The following KATNIP variants were observed in gnomAD, a reference collection of about 807,000 sequenced individuals.
KATNIP encodes katanin interacting protein, also known as katanin-interacting protein.
In KATNIP, 126 loss-of-function variants were observed where a neutral mutation model predicts 174.0. The ratio of observed to expected loss-of-function variants is 0.72; its 90% CI spans 0.63 to 0.84. KATNIP has a LOEUF of 0.84. Ranked by LOEUF, KATNIP falls within the 40% of genes least tolerant of loss-of-function variation. The pLI, the probability that KATNIP is intolerant of heterozygous loss-of-function variation, is 0.00. For missense variants in KATNIP, 1,958 were observed against 2,109.7 expected (o/e 0.93, Z 1.41); for synonymous variants, 810 against 835.7 (o/e 0.97, Z 0.53).
chr16:27,617,610 A>G (rs1317589388), intron 2 of KATNIP, among the ~76,000 whole-genome samples: 1 of 152,216 alleles, frequency 6.6e-6, no homozygotes, highest in African/African-American at 2.4e-5. Flanking sequence ...CCTTTGGCAG[A>G]AGAGGAGACA....
chr16:27,703,932 C>G lies in KATNIP; in HGVS notation c.1323C>G (p.Val441=). Residue 441 remains valine (V), a synonymous_variant, in exon 12 of 28, where the codon GTC becomes GTG. Transcript: ENST00000261588. Reference sequence around the variant, plus strand: ...AGCTTCTGAAAGTCCTCCAGGCCGTCGAAAGTGACTCTGCCCATCTCGGCA... The same window carrying G: ...AGCTTCTGAAAGTCCTCCAGGCCGTGGAAAGTGACTCTGCCCATCTCGGCA... The part of the protein sequence containing the change: ...QQKLLKVLQA[V]ESDSAHLGRV... 1 of 1,614,196 alleles carries G rather than the reference C, an allele frequency of 6.2e-7. No individual in the cohort carries two copies.
chr16:27,582,394 A>G (rs2090733243), intron 2 of KATNIP, among the ~76,000 whole-genome samples: 1 of 152,232 alleles, frequency 6.6e-6, no homozygotes. Context: ...CTTTTAGTTC[A>G]TATTTCTGGG....
At chr16:27,619,184 G>C (rs1057188904) in intron 3 of KATNIP, among the ~76,000 whole-genome samples, 2 of 152,176 alleles carry the variant, frequency 1.3e-5, no homozygotes, top group Non-Finnish European at 2.9e-5. Context: ...CAGGCAGTGA[G>C]TGGAGCTGGC....
intron 5 of KATNIP, 115 bp from the exon 6 acceptor site, chr16:27,648,489 C>T: frequency 1.6e-6 from 2 of 1,256,492 alleles, no homozygotes; most frequent in South Asian, 1.4e-5. Flanking sequence ...GCACACCACC[C>T]CATGGTATCT....
chr16:27,632,049 G>C (rs544021926), intron 5 of KATNIP, among the ~76,000 whole-genome samples: 1 of 152,330 alleles, frequency 6.6e-6, no homozygotes, highest in East Asian at 1.9e-4. Context: ...AGTTTTCCAA[G>C]GTCAACAGCT....
rs759181249 is a variant in KATNIP at position 27,745,957 on chromosome 16, CTTTTTTTTTTTT to C, written c.2624-3613_2624-3602del. Among the ~76,000 whole-genome samples the C allele has an allele frequency of 7.6e-5, 7 of 92,098 alleles. 1 individual carries two copies. In the South Asian group the frequency reaches 2.7e-3, roughly 35 times the overall value. The allele number at this position is 92,098 out of a possible 152,430, so 60.4% of individuals were successfully genotyped here. A position where few individuals can be genotyped will look rare whatever the true frequency, so the allele number is the denominator to read the frequency against. On this transcript the variant is annotated intron_variant, in intron 15 of 27. Transcript: ENST00000261588. The stretch of plus-strand genomic sequence containing the variant: ...CTAAGAGCAAGGCTCAACTCCTCTG[CTTTTTTTTTTTT>C]TTTTTTTTTTTTTGAGATGGAGTCT...
chr16:27,750,640 G>A (rs1426899921), intron 16 of KATNIP, among the ~76,000 whole-genome samples: 4 of 145,582 alleles, frequency 2.7e-5, no homozygotes, highest in Non-Finnish European at 6.0e-5. Context: ...CACCATGTTA[G>A]CCAGGATGGT....
At chr16:27,755,158 A>G (rs1257419710) in intron 18 of KATNIP, 1 of 152,240 alleles carries the variant, frequency 6.6e-6, no homozygotes, top group Non-Finnish European at 1.5e-5. Context: ...GAGACAAAAG[A>G]TGTGACACTG....
chr16:27,711,658 C>T (rs951901065), intron 13 of KATNIP, among the ~76,000 whole-genome samples: 8 of 152,158 alleles, frequency 5.3e-5, no homozygotes, highest in African/African-American at 1.9e-4. Context: ...AAAAGATTCT[C>T]CCTGAAGGTA....
intron 6 of KATNIP, among the ~76,000 whole-genome samples, chr16:27,652,451 G>A (rs2077148074): frequency 6.6e-6 from 1 of 152,172 alleles, no homozygotes; most frequent in African/African-American, 2.4e-5. Context: ...TGCCAAAGTG[G>A]CAAGTCTTAG....
At chr16:27,740,960 C>G (rs1403039306) in intron 15 of KATNIP, 40 bp downstream of exon 15, 2 of 1,533,866 alleles carry the variant, frequency 1.3e-6, no homozygotes, top group South Asian at 2.4e-5. Flanking sequence ...CATCATCATC[C>G]CAGCCCCTCT....
At chr16:27,700,288 C>T (rs1411690502) in intron 10 of KATNIP, among the ~76,000 whole-genome samples, 1 of 152,188 alleles carries the variant, frequency 6.6e-6, no homozygotes, top group African/African-American at 2.4e-5. Flanking sequence ...TTATCTGTAT[C>T]TATCTAGGTC....
At chr16:27,595,172 A>T (rs1323762578) in intron 2 of KATNIP, among the ~76,000 whole-genome samples, 1 of 152,138 alleles carries the variant, frequency 6.6e-6, no homozygotes, top group Non-Finnish European at 1.5e-5. Flanking sequence ...ATTGCATGAG[A>T]CCAGGAGTTC....
In KATNIP at chr16:27,740,163, G is replaced by T. The variant is rs2081048915; in HGVS notation, c.1866G>T (p.Lys622Asn). 6.2e-7 allele frequency: 1 copy of T among 1,614,070 alleles called. No individual in the cohort carries two copies. The highest frequency in any genetic ancestry group is 8.5e-7 in the Non-Finnish European group (1 of 1,180,040). The change falls in exon 15 of 28, where the codon AAG (lysine) becomes AAT (asparagine). Residue 622 changes from lysine to asparagine, a missense_variant. Lys to Asn is a moderately conservative substitution (Grantham distance 94). Transcript: ENST00000261588. Reference sequence around the variant, plus strand: ...ACCACAGCATCCTGGTTGACCAGAAGAACGAGAAGAGCGAGCAACTAGAGG... The same window carrying T: ...ACCACAGCATCCTGGTTGACCAGAATAACGAGAAGAGCGAGCAACTAGAGG... ...PADHSILVDQ[K>N]NEKSEQLEEA...
At chr16:27,607,680 C>T (rs2075753197) in intron 2 of KATNIP, among the ~76,000 whole-genome samples, 1 of 150,582 alleles carries the variant, frequency 6.6e-6, no homozygotes, top group African/African-American at 2.4e-5. Context: ...TCACCACAAC[C>T]TCCGTCTCCC....
chr16:27,589,295 A>G (rs1041119165), intron 2 of KATNIP, among the ~76,000 whole-genome samples: 1 of 152,210 alleles, frequency 6.6e-6, no homozygotes, highest in African/African-American at 2.4e-5. Context: ...CCAGGGGTCA[A>G]CAAACTTTTT....
chr16:27,710,400 G>T lies in KATNIP; in HGVS notation c.1605+1480G>T, dbSNP rs116648737. Among the ~76,000 whole-genome samples, 724 of 152,228 alleles carry T rather than the reference G, an allele frequency of 4.8e-3. 5 individuals carry two copies. The highest frequency in any genetic ancestry group is 0.016 in the African/African-American group (682 of 41,546). Reference sequence around the variant, plus strand: ...CAACAGAATTTACAAAAAAAAGATCGGGGAGGGTACTGGCATTTTTTCCTT... The same window carrying T: ...CAACAGAATTTACAAAAAAAAGATCTGGGAGGGTACTGGCATTTTTTCCTT... On this transcript the variant is annotated intron_variant, in intron 13 of 27. Coordinates refer to ENST00000261588, the MANE Select transcript of KATNIP (RefSeq NM_015202.5).
intron 8 of KATNIP, among the ~76,000 whole-genome samples, chr16:27,685,010 A>C (rs1230394770): frequency 6.6e-6 from 1 of 152,222 alleles, no homozygotes; most frequent in Non-Finnish European, 1.5e-5. Flanking sequence ...GAGCTTAATT[A>C]ATTTATGATC....
intron 13 of KATNIP, among the ~76,000 whole-genome samples, chr16:27,709,540 T>C (rs1200393176): frequency 6.6e-6 from 1 of 152,162 alleles, no homozygotes; most frequent in Non-Finnish European, 1.5e-5. Flanking sequence ...GGAGAATCAC[T>C]TGAACCCAGG....
Sources: allele counts gnomAD v4.1 joint callset (sites outside exome capture counted in the v4.1 genomes callset), GRCh38; gene constraint gnomAD v4.1.1; transcripts MANE v1.5; gene names NCBI Gene and HGNC (gene_info 2026-07-23, HGNC 2026-07-21).